ZNF264: variants seen among roughly 807,000 people sequenced by gnomAD.
ZNF264 encodes zinc finger protein 264.
In ZNF264, 11 loss-of-function variants were observed where a neutral mutation model predicts 11.2. That is an observed-to-expected ratio of 0.98 (90% CI 0.62 to 1.63). The LOEUF is 1.63. Among genes scored for constraint, ZNF264 ranks in the 40% most tolerant of loss-of-function variants. The pLI is 0.00. For missense variants in ZNF264, 752 were observed against 768.1 expected, an observed-to-expected ratio of 0.98 and a Z score of 0.25; for synonymous variants, 309 against 279.8, an observed-to-expected ratio of 1.10 and a Z score of -1.04.
At chr19:57,193,425 A>G (rs752776785) in intron 1 of ZNF264, 3 of 829,510 alleles carry the variant, frequency 3.6e-6, no homozygotes, top group Non-Finnish European at 4.4e-6. Flanking sequence ...TTGAGGTAAG[A>G]GCTGTCAAGT....
intron 2 of ZNF264, among the ~76,000 whole-genome samples, chr19:57,199,563 A>T (rs1311096691): frequency 1.3e-5 from 2 of 151,900 alleles, no homozygotes; most frequent in African/African-American, 2.4e-5. Context: ...TAAATGCAGG[A>T]TCCCTAATTA....
intron 3 of ZNF264, among the ~76,000 whole-genome samples, chr19:57,210,822 C>T (rs976098804): frequency 1.3e-5 from 2 of 152,138 alleles, no homozygotes; most frequent in South Asian, 2.1e-4. Flanking sequence ...GTGAGTTCCC[C>T]GTTTGCATAA....
intron 3 of ZNF264, among the ~76,000 whole-genome samples, chr19:57,206,451 C>T (rs1000610861): frequency 2.4e-4 from 37 of 151,778 alleles, no homozygotes; most frequent in African/African-American, 7.7e-4. Flanking sequence ...GGGGTTTCAC[C>T]GTGGTCTCGA....
chr19:57,205,306 C>A, intron 2 of ZNF264, 91 bp from the exon 3 acceptor site: 1 of 1,240,316 alleles, frequency 8.1e-7, no homozygotes, highest in Non-Finnish European at 1.2e-6. Context: ...ACTCCAAGGT[C>A]TGGTCTCCAT....
chr19:57,194,002 G>A lies in ZNF264; in HGVS notation c.160+1G>A. 6.2e-7 allele frequency: 1 copy of A among 1,605,444 alleles called. No individual in the cohort carries two copies. The highest frequency in any genetic ancestry group is 8.5e-7 in the Non-Finnish European group (1 of 1,175,404). ...AACTGTGGGCTCCTGGTGTCTCTGG[G>A]TAAGGCCTTCCTTCCCCCTCCACCA... On this transcript the variant is annotated splice_donor_variant, in intron 2 of 3. Transcript: ENST00000263095. LOFTEE classifies it high-confidence loss of function.
intron 2 of ZNF264, among the ~76,000 whole-genome samples, chr19:57,195,873 G>C (rs1376580808): frequency 6.6e-6 from 1 of 151,730 alleles, no homozygotes; most frequent in Admixed American, 6.6e-5. Flanking sequence ...AAGACTTCTA[G>C]GCCAACGGAA....
chr19:57,203,023 C>A lies in ZNF264; in HGVS notation c.161-2374C>A, dbSNP rs575532519. Among the ~76,000 whole-genome samples the A allele has an allele frequency of 2.0e-4, 30 of 152,174 alleles. No homozygotes were observed. In the South Asian group the frequency reaches 5.6e-3, roughly 28 times the overall value. ...CTGCTTGGAGTTTGGGGAAAACCCC[C>A]CACACATTTGGTCATAGAAGTCTTG... On this transcript the variant is annotated intron_variant, in intron 2 of 3. Coordinates refer to ENST00000263095, the MANE Select transcript of ZNF264 (RefSeq NM_003417.5).
intron 3 of ZNF264, among the ~76,000 whole-genome samples, chr19:57,206,295 G>A (rs775453062): frequency 2.6e-5 from 4 of 152,110 alleles, no homozygotes; most frequent in Non-Finnish European, 5.9e-5. Context: ...CCAGGCTGGA[G>A]TGCAGTGGCA....
At chr19:57,210,809 A>G (rs750452971) in intron 3 of ZNF264, among the ~76,000 whole-genome samples, 5 of 152,220 alleles carry the variant, frequency 3.3e-5, no homozygotes, top group African/African-American at 4.8e-5. Context: ...GGAGGACTCC[A>G]TAGTGAGTTC....
At chr19:57,192,298 G>A (rs2087179710) in intron 1 of ZNF264, 1 of 975,822 alleles carries the variant, frequency 1.0e-6, no homozygotes, top group African/African-American at 1.8e-5. Flanking sequence ...GCAGAGACAA[G>A]GTATGTTGTA....
chr19:57,194,499 C>G (rs1165968840), intron 2 of ZNF264, among the ~76,000 whole-genome samples: 2 of 152,096 alleles, frequency 1.3e-5, no homozygotes, highest in African/African-American at 4.8e-5. Context: ...TTACAAGGTC[C>G]CACAGTAGGC....
At chr19:57,211,265 T>A in intron 3 of ZNF264, 89 bp from the exon 4 acceptor site, 1 of 1,294,298 alleles carries the variant, frequency 7.7e-7, no homozygotes, top group Non-Finnish European at 1.0e-6. Flanking sequence ...GCAATATTTT[T>A]ATCTATGGTT....
chr19:57,207,951 C>G (rs2087306155), intron 3 of ZNF264, among the ~76,000 whole-genome samples: 1 of 152,104 alleles, frequency 6.6e-6, no homozygotes, highest in Non-Finnish European at 1.5e-5. Flanking sequence ...GTCTCGAACT[C>G]CTGACCTCAG....
intron 2 of ZNF264, among the ~76,000 whole-genome samples, chr19:57,196,072 T>C (rs2087209690): frequency 6.6e-6 from 1 of 151,848 alleles, no homozygotes; most frequent in Non-Finnish European, 1.5e-5. Context: ...GCCCCAGCCC[T>C]GCAAAGTATT....
rs2087416568 is a variant in ZNF264 at position 57,221,426 on chromosome 19, C to T, written c.*8445C>T. The T allele has an allele frequency of 6.6e-6, 1 of 152,108 alleles. No individual in the cohort carries two copies. The highest frequency in any genetic ancestry group is 2.4e-5 in the African/African-American group (1 of 41,418). The allele number at this position is 152,108 out of a possible 1,614,324, so 9.4% of individuals were successfully genotyped here. On this transcript the variant is annotated 3_prime_UTR_variant, in exon 4 of 4. Coordinates refer to ENST00000263095, the MANE Select transcript of ZNF264 (RefSeq NM_003417.5). The stretch of plus-strand genomic sequence containing the variant: ...ACTGTCTTGGGATCCTCAAGAACAC[C>T]CCCAGGTTTGACGATTTGCTGAGAA...
rs2087174721 is a variant in ZNF264 at position 57,191,793 on chromosome 19, A to C, written c.-121A>C. Reference sequence around the variant, plus strand: ...GTCTGGAACGCCGTTGCCACCGAGGAGGCGGCGGCCCCGAGCGCGCCTGGA... The same window carrying C: ...GTCTGGAACGCCGTTGCCACCGAGGCGGCGGCGGCCCCGAGCGCGCCTGGA... On this transcript the variant is annotated 5_prime_UTR_variant, in exon 1 of 4. Transcript: ENST00000263095. 2 of 698,934 alleles carry C rather than the reference A, an allele frequency of 2.9e-6. No individual in the cohort carries two copies. The highest frequency in any genetic ancestry group is 4.0e-6 in the Non-Finnish European group (2 of 500,158). The allele number at this position is 698,934 out of a possible 1,614,324, so 43.3% of individuals were successfully genotyped here. A position where few individuals can be genotyped will look rare whatever the true frequency, so the allele number is the denominator to read the frequency against.
At chr19:57,206,251 T>G (rs1485639811) in intron 3 of ZNF264, among the ~76,000 whole-genome samples, 1 of 144,892 alleles carries the variant, frequency 6.9e-6, no homozygotes, top group East Asian at 2.0e-4. Context: ...ATTAGAAATC[T>G]TTTTTTTTTT....
rs1201569924 is a variant in ZNF264, at chr19:57,212,393, T to C, written c.1296T>C (p.Cys432=). 20 of 1,613,446 alleles carry C rather than the reference T, an allele frequency of 1.2e-5. No individual in the cohort carries two copies. Among genetic ancestry groups the C allele is most frequent in the South Asian group, 8.8e-5 (8 of 91,056 alleles). The change falls in exon 4 of 4, where the codon TGT becomes TGC. Residue 432 remains cysteine (C), a synonymous_variant. Transcript: ENST00000263095. ...TGEKPFVCSE[C]GKAFTHCSTF... The stretch of plus-strand genomic sequence containing the variant: ...AGAAGCCCTTCGTGTGCAGTGAATG[T>C]GGAAAGGCCTTCACCCACTGCTCTA...
At chr19:57,196,719 TG>T (rs1233148126) in intron 2 of ZNF264, among the ~76,000 whole-genome samples, 5 of 151,948 alleles carry the variant, frequency 3.3e-5, no homozygotes, top group Non-Finnish European at 7.3e-5. Context: ...GGTCTTCCAT[TG>T]GTGAGCACTC....
Sources: allele counts gnomAD v4.1 joint callset (sites outside exome capture counted in the v4.1 genomes callset), GRCh38; gene constraint gnomAD v4.1.1; transcripts MANE v1.5; gene names NCBI Gene and HGNC (gene_info 2026-07-23, HGNC 2026-07-21).